The following MDGA2 variants were observed in gnomAD, a reference collection of about 807,000 sequenced individuals.
MDGA2 encodes the protein MAM domain-containing glycosylphosphatidylinositol anchor protein 2.
MDGA2 carries 40 observed loss-of-function variants against 117.8 expected under a neutral mutation model. That is an observed-to-expected ratio of 0.34 (90% CI 0.26 to 0.44). MDGA2 has a LOEUF of 0.44. MDGA2 is among the 20% of genes least tolerant of loss of function. MDGA2 has a pLI of 1.00. For missense variants in MDGA2, 1,123 were observed against 1,250.6 expected (o/e 0.90, Z 1.54); for synonymous variants, 452 against 439.0 (o/e 1.03, Z -0.37).
intron 11 of MDGA2, among the ~76,000 whole-genome samples, chr14:46,877,944 G>A (rs1279719374): frequency 6.6e-6 from 1 of 151,814 alleles, no homozygotes; most frequent in Non-Finnish European, 1.5e-5. Context: ...TACTTCTACT[G>A]AGAGTAAAGT....
chr14:47,313,384 C>A (rs1393202023), intron 1 of MDGA2, among the ~76,000 whole-genome samples: 1 of 152,066 alleles, frequency 6.6e-6, no homozygotes, highest in Non-Finnish European at 1.5e-5. Context: ...GCAATCCTCC[C>A]GCCTCAGCCT....
intron 1 of MDGA2, among the ~76,000 whole-genome samples, chr14:47,548,291 GTTTGT>G (rs1594911369): frequency 2.0e-5 from 3 of 151,914 alleles, no homozygotes; most frequent in East Asian, 1.9e-4. Context: ...CTCAAGAATA[GTTTGT>G]TTTGACTTTT....
Position 46,845,796 on chromosome 14 carries a change from C to T in MDGA2, c.2959G>A (p.Glu987Lys). Residue 987 changes from glutamate to lysine, a missense_variant, in exon 16 of 17, where the codon GAA becomes AAA. Physicochemically the swap from Glu to Lys is moderately conservative, Grantham distance 56 (BLOSUM62 1). Transcript: ENST00000399232. ...GTTGCTAGGTCTTGTTTTGCACATT[C>T]TCCTTCTGCAATTGATACATCATCA... is the stretch of plus-strand genomic sequence containing the variant. ...AIDDVSIAEG[E>K]CAKQDLATKN... 6.2e-7 allele frequency: 1 copy of T among 1,613,186 alleles called. No homozygotes were observed. Among genetic ancestry groups the T allele is most frequent in the African/African-American group, 1.3e-5 (1 of 75,010 alleles).
chr14:47,611,660 A>G (rs1896851022), intron 1 of MDGA2, among the ~76,000 whole-genome samples: 1 of 152,152 alleles, frequency 6.6e-6, no homozygotes, highest in Non-Finnish European at 1.5e-5. Context: ...ATGTGATATC[A>G]CTTTACTCCT....
chr14:47,561,175 G>GTTTTTTTTTTTTT (rs150826944), intron 1 of MDGA2, among the ~76,000 whole-genome samples: 14 of 69,394 alleles, frequency 2.0e-4, no homozygotes, highest in Non-Finnish European at 3.6e-4. Flanking sequence ...TTTTTTGTTT[G>GTTTTTTTTTTTTT]TTTGTTTTTT....
chr14:47,092,318 G>A (rs1309286863), intron 6 of MDGA2, among the ~76,000 whole-genome samples: 1 of 152,150 alleles, frequency 6.6e-6, no homozygotes, highest in Non-Finnish European at 1.5e-5. Flanking sequence ...AAAACTAGAT[G>A]ATAGAATTTT....
At chr14:47,595,129 A>C (rs1896511615) in intron 1 of MDGA2, among the ~76,000 whole-genome samples, 1 of 152,208 alleles carries the variant, frequency 6.6e-6, no homozygotes, top group African/African-American at 2.4e-5. Context: ...AGACTAACAA[A>C]AAGTTTGCAT....
chr14:47,671,284 G>C (rs1266390854), intron 1 of MDGA2, among the ~76,000 whole-genome samples: 1 of 152,124 alleles, frequency 6.6e-6, no homozygotes, highest in Non-Finnish European at 1.5e-5. Context: ...TTACACTTAA[G>C]TATTGCACAG....
intron 6 of MDGA2, among the ~76,000 whole-genome samples, chr14:47,070,955 G>C (rs1350680823): frequency 6.6e-6 from 1 of 152,140 alleles, no homozygotes; most frequent in Non-Finnish European, 1.5e-5. Context: ...AAATCCTCCT[G>C]CTTTTATTAC....
At chr14:47,469,673 A>G (rs1187779894) in intron 1 of MDGA2, among the ~76,000 whole-genome samples, 11 of 152,248 alleles carry the variant, frequency 7.2e-5, no homozygotes, top group African/African-American at 2.4e-4. Context: ...ATACCCAGTA[A>G]TGGGATGGCT....
chr14:47,439,393 TA>T, intron 1 of MDGA2, among the ~76,000 whole-genome samples: 1 of 152,202 alleles, frequency 6.6e-6, no homozygotes, highest in South Asian at 2.1e-4. Flanking sequence ...TATACTTACA[TA>T]ATCATTTATC....
At chr14:47,396,024 A>T (rs967162917) in intron 1 of MDGA2, among the ~76,000 whole-genome samples, 1 of 152,192 alleles carries the variant, frequency 6.6e-6, no homozygotes, top group Non-Finnish European at 1.5e-5. Flanking sequence ...TGTGTTTCAT[A>T]AGTGTTGGAA....
chr14:47,413,255 T>C (rs961237543), intron 1 of MDGA2, among the ~76,000 whole-genome samples: 1 of 152,212 alleles, frequency 6.6e-6, no homozygotes, highest in Non-Finnish European at 1.5e-5. Flanking sequence ...TAATTACTCG[T>C]ATATAGGCTG....
intron 2 of MDGA2, among the ~76,000 whole-genome samples, chr14:47,282,683 C>A (rs536421573): frequency 4.2e-4 from 59 of 141,670 alleles, no homozygotes; most frequent in African/African-American, 1.3e-3. Flanking sequence ...GGTGACAGAG[C>A]AAGAATGTGT....
chr14:47,403,345 A>AT (rs745441092), intron 1 of MDGA2, among the ~76,000 whole-genome samples: 16 of 152,038 alleles, frequency 1.1e-4, no homozygotes, highest in East Asian at 3.9e-4. Context: ...TGGAAATAAG[A>AT]TTTTTTTCCT....
At chr14:47,009,049 G>A (rs933151954) in intron 8 of MDGA2, among the ~76,000 whole-genome samples, 1 of 151,894 alleles carries the variant, frequency 6.6e-6, no homozygotes, top group Non-Finnish European at 1.5e-5. Context: ...TGTTCCTAGT[G>A]AGTATCACCA....
In MDGA2 at chr14:47,144,087, G is replaced by T. The variant is rs2139201764; in HGVS notation, c.783C>A (p.Phe261Leu). 1 of 1,548,628 alleles carries T rather than the reference G, an allele frequency of 6.5e-7. No individual in the cohort carries two copies. Among genetic ancestry groups the T allele is most frequent in the East Asian group, 2.5e-5 (1 of 40,800 alleles). The change falls in exon 4 of 17, where the codon TTC becomes TTA. Residue 261 changes from phenylalanine to leucine, a missense_variant. Physicochemically the swap from Phe to Leu is conservative, Grantham distance 22. Around this residue, in one of 2 missense-constraint regions of MDGA2, gnomAD observed 890 missense variants for 1,050.3 expected, o/e 0.85. Coordinates refer to ENST00000399232, the MANE Select transcript of MDGA2 (RefSeq NM_001113498.3). ...GTACCTTAATTCATACCTGGGTAAA[G>T]AATGGTTCATAAATCTCAACTCCTT... The part of the protein sequence containing the change: ...SDKGVEIYEP[F>L]FTQGETKILK...
intron 2 of MDGA2, among the ~76,000 whole-genome samples, chr14:47,269,973 TACTA>T (rs755621013): frequency 4.6e-5 from 7 of 152,302 alleles, no homozygotes; most frequent in South Asian, 2.1e-4. Flanking sequence ...ATGACTTGAT[TACTA>T]ACTATTACTG....
At chr14:47,241,896 A>C (rs1199604466) in intron 2 of MDGA2, among the ~76,000 whole-genome samples, 1 of 151,908 alleles carries the variant, frequency 6.6e-6, no homozygotes, top group East Asian at 1.9e-4. Context: ...TCATTTTGTG[A>C]TCCTGAAGAA....
Sources: gnomAD v4.1 joint callset for allele counts (sites outside exome capture counted in the v4.1 genomes callset) on GRCh38, gnomAD v4.1.1 for gene constraint, gnomAD v4.1.1 regional missense constraint, MANE v1.5 for transcripts, NCBI Gene and HGNC (gene_info 2026-07-23, HGNC 2026-07-21) for gene names.